Variants in LSAMP observed in about 807,000 individuals in gnomAD.
The protein encoded by LSAMP is limbic system associated membrane protein.
Under a neutral mutation model 38.6 loss-of-function variants are expected in LSAMP, and 7 were observed. That is an observed-to-expected ratio of 0.18 (90% CI 0.10 to 0.34). The LOEUF (loss-of-function observed/expected upper bound fraction) is 0.34. Among genes scored for constraint, LSAMP ranks in the 10% least tolerant of loss-of-function variants. LSAMP has a pLI of 1.00. For synonymous variants in LSAMP, 154 were observed against 166.8 expected (o/e 0.92, Z 0.59); for missense variants, 313 against 420.0 (o/e 0.75, Z 2.23).
chr3:116,198,560 G>A (rs2045941890), intron 1 of LSAMP, among the ~76,000 whole-genome samples: 2 of 151,232 alleles, frequency 1.3e-5, no homozygotes, highest in Admixed American at 1.3e-4. Context: ...ACGAGGCCAG[G>A]AGATCGAGAC....
intron 2 of LSAMP, among the ~76,000 whole-genome samples, chr3:116,062,522 A>C: frequency 6.6e-6 from 1 of 152,172 alleles, no homozygotes; most frequent in Non-Finnish European, 1.5e-5. Flanking sequence ...TCTCAAAAAA[A>C]AATTAAAAAT....
At chr3:115,959,149 C>T (rs1015530966) in intron 3 of LSAMP, among the ~76,000 whole-genome samples, 9 of 152,062 alleles carry the variant, frequency 5.9e-5, no homozygotes, top group Non-Finnish European at 1.3e-4. Context: ...CTAGATATTT[C>T]TTTTCTCACT....
At chr3:115,939,369 C>T (rs902248094) in intron 3 of LSAMP, among the ~76,000 whole-genome samples, 7 of 151,970 alleles carry the variant, frequency 4.6e-5, no homozygotes, top group Non-Finnish European at 8.8e-5. Context: ...TAGATGGCAG[C>T]CTAAAGGGTA....
chr3:116,351,056 C>T (rs769063046), intron 1 of LSAMP, among the ~76,000 whole-genome samples: 6 of 151,832 alleles, frequency 4.0e-5, no homozygotes, highest in Non-Finnish European at 8.8e-5. Context: ...ATAACATCCT[C>T]GGTACTTTTT....
rs536067654 is a variant in LSAMP, at chr3:116,445,040, C to A, written c.-9G>T. The A allele has an allele frequency of 6.2e-7, 1 of 1,607,292 alleles. No individual in the cohort carries two copies. Among genetic ancestry groups the A allele is most frequent in the Non-Finnish European group, 8.5e-7 (1 of 1,175,392 alleles). On this transcript the variant is annotated 5_prime_UTR_variant, in exon 1 of 7. Coordinates refer to ENST00000490035, the MANE Select transcript of LSAMP (RefSeq NM_002338.5). ...TGAACTCTCCTGACCATGGTGGCCA[C>A]GCCGAGGTGCGGGTCCGCGGGGTGC...
chr3:116,223,278 TACTA>T (rs1268661207), intron 1 of LSAMP, among the ~76,000 whole-genome samples: 1 of 152,200 alleles, frequency 6.6e-6, no homozygotes, highest in African/African-American at 2.4e-5. Flanking sequence ...TTTCTAGAAA[TACTA>T]GCTAAGAAAA....
At chr3:116,046,668 C>G (rs1459306729) in intron 2 of LSAMP, among the ~76,000 whole-genome samples, 1 of 152,162 alleles carries the variant, frequency 6.6e-6, no homozygotes, top group Non-Finnish European at 1.5e-5. Flanking sequence ...TGCAGCAACC[C>G]TGAAAGGAAG....
In LSAMP at chr3:116,441,862, C is replaced by T. The variant is rs182960487; in HGVS notation, c.155+3015G>A. ...GGACCGCCAAGGCTGCTGCTGCTGCCGCCACTACTCTGTGAATCACACTTT... is the reference window on the plus strand; with the variant it reads ...GGACCGCCAAGGCTGCTGCTGCTGCTGCCACTACTCTGTGAATCACACTTT... On this transcript the variant is annotated intron_variant, in intron 1 of 6. Transcript: ENST00000490035. Among the ~76,000 whole-genome samples the T allele has an allele frequency of 9.8e-4, 149 of 152,238 alleles. 2 individuals are homozygous for T. Among genetic ancestry groups the T allele is most frequent in the Admixed American group, 2.2e-3 (34 of 15,292 alleles).
At position 116,352,344 on chromosome 3, in the gene LSAMP, G is replaced by C. The variant is rs552884594; in HGVS notation, c.155+92533C>G. On this transcript the variant is annotated intron_variant, in intron 1 of 6. Transcript: ENST00000490035. ...GGAAAAAGACAATGAGATAGATTCA[G>C]AGCATGGGATCTTGCCATTCAACCC... Among the ~76,000 whole-genome samples the C allele has an allele frequency of 2.3e-4, 35 of 152,168 alleles. No homozygotes were observed. The South Asian group carries it at 6.0e-3, about 26-fold the overall frequency.
At chr3:116,014,911 C>T (rs1026953790) in intron 3 of LSAMP, among the ~76,000 whole-genome samples, 1 of 152,158 alleles carries the variant, frequency 6.6e-6, no homozygotes, top group African/African-American at 2.4e-5. Context: ...AGAAGTAAAA[C>T]AGATGAGAGT....
At chr3:116,169,795 C>CT (rs1218977160) in intron 1 of LSAMP, among the ~76,000 whole-genome samples, 1 of 152,188 alleles carries the variant, frequency 6.6e-6, no homozygotes, top group Non-Finnish European at 1.5e-5. Context: ...ATCTAATTGA[C>CT]TTTTCTCGCC....
chr3:116,187,940 C>T (rs1710660813), intron 1 of LSAMP, among the ~76,000 whole-genome samples: 1 of 152,066 alleles, frequency 6.6e-6, no homozygotes, highest in African/African-American at 2.4e-5. Context: ...TCCCCTCTCT[C>T]CTCCCACCCT....
At chr3:116,000,004 G>T (rs531916417) in intron 3 of LSAMP, among the ~76,000 whole-genome samples, 7 of 152,294 alleles carry the variant, frequency 4.6e-5, no homozygotes, top group Admixed American at 3.3e-4. Flanking sequence ...GTGTGTGTTT[G>T]TGTGTGTGCA....
intron 1 of LSAMP, among the ~76,000 whole-genome samples, chr3:116,234,844 T>C (rs543093929): frequency 1.6e-3 from 240 of 152,270 alleles, no homozygotes; most frequent in African/African-American, 5.6e-3. Context: ...CCCAAAATTA[T>C]ATTTCATGGC....
chr3:115,815,222 A>T (rs2107454979), intron 6 of LSAMP, among the ~76,000 whole-genome samples: 1 of 152,290 alleles, frequency 6.6e-6, no homozygotes, highest in East Asian at 1.9e-4. Context: ...TTATTATTGT[A>T]GTTAATCTCT....
At chr3:116,135,104 C>T (rs1245601663) in intron 1 of LSAMP, among the ~76,000 whole-genome samples, 1 of 152,112 alleles carries the variant, frequency 6.6e-6, no homozygotes, top group Non-Finnish European at 1.5e-5. Flanking sequence ...CCATTTATAG[C>T]TTAGGGAACT....
intron 2 of LSAMP, among the ~76,000 whole-genome samples, chr3:116,080,288 A>G (rs116643089): frequency 1.3e-5 from 2 of 152,158 alleles, no homozygotes; most frequent in Admixed American, 6.5e-5. Context: ...TTTTTCTTTC[A>G]TGAAGTCTAT....
At chr3:115,841,575 TTAAC>T (rs1313333833) in intron 6 of LSAMP, 3 of 305,748 alleles carry the variant, frequency 9.8e-6, no homozygotes, top group South Asian at 8.6e-5. Context: ...ATTATTTCAT[TTAAC>T]TAACCAGGAA....
chr3:116,077,645 T>C (rs1707774703), intron 2 of LSAMP, among the ~76,000 whole-genome samples: 2 of 152,216 alleles, frequency 1.3e-5, no homozygotes, highest in African/African-American at 2.4e-5. Flanking sequence ...TCAAGTTTAA[T>C]GAAAAGTTAT....
Sources: allele counts gnomAD v4.1 joint callset (sites outside exome capture counted in the v4.1 genomes callset), GRCh38; gene constraint gnomAD v4.1.1; transcripts MANE v1.5; gene names NCBI Gene and HGNC (gene_info 2026-07-23, HGNC 2026-07-21).